Variants in TRPM5 observed in about 807,000 individuals in gnomAD.
The protein encoded by TRPM5 is transient receptor potential cation channel subfamily M member 5.
A neutral mutation model predicts 124.9 loss-of-function variants in TRPM5; 121 were observed. That is an observed-to-expected ratio of 0.97 (90% CI 0.84 to 1.13). The LOEUF is 1.13. TRPM5 is among the 50% of genes most tolerant of loss of function. The pLI is 0.00. For synonymous variants in TRPM5, 781 were observed against 700.5 expected, an observed-to-expected ratio of 1.11 and a Z score of -1.81; for missense variants, 1,643 against 1,589.1, an observed-to-expected ratio of 1.03 and a Z score of -0.58.
At chr11:2,418,419 G>T (rs755290213) in intron 5 of TRPM5, 61 bp from the exon 11 acceptor site, 20 of 1,510,238 alleles carry the variant, frequency 1.3e-5, no homozygotes, top group Non-Finnish European at 1.8e-5. Context: ...CTGGATGCAG[G>T]TGTCAGGGGT....
intron 18 of TRPM5, among the ~76,000 whole-genome samples, chr11:2,408,169 G>C (rs59240172): frequency 6.6e-6 from 1 of 152,304 alleles, no homozygotes; most frequent in African/African-American, 2.4e-5. Context: ...CTTCCACCAG[G>C]GGCTGGAGTC....
At chr11:2,418,313 C>T (rs1204969464) in exon 6 of TRPM5, 1 of 1,567,074 alleles carries the variant, frequency 6.4e-7, no homozygotes, top group East Asian at 2.4e-5. Flanking sequence ...CCCGAGCCTA[C>T]CAGGATCAGC....
rs766833959 is a variant in TRPM5 at position 2,413,598 on chromosome 11, A to G, written c.1891-10T>C. 1.2e-6 allele frequency: 2 copies of G among 1,610,422 alleles called. No individual in the cohort carries two copies. The highest frequency in any genetic ancestry group is 1.7e-6 in the Non-Finnish European group (2 of 1,178,578). The stretch of plus-strand genomic sequence containing the variant: ...TCCTGGTCAGGAAGGCCTGAGGTGA[A>G]GGCAAAACTGTCGGCTCCAACTCTG... On this transcript the variant is annotated splice_polypyrimidine_tract_variant and intron_variant, in intron 12 of 23. Transcript: ENST00000155858.
chr11:2,415,010 C>T lies in TRPM5; in HGVS notation c.1517G>A (p.Trp506Ter). The change falls in exon 10 of 24, where the codon TGG becomes TAG. Residue 506 changes from tryptophan to a stop codon, truncating the protein, a stop_gained. Transcript: ENST00000155858. LOFTEE classifies it high-confidence loss of function. ...GCTCTTCTGGTTCAGGTCCAGCAGC[C>T]ACTTCTGGCCCGTGGGCCGCTTGGC... 6.2e-7 allele frequency: 1 copy of T among 1,604,952 alleles called. No homozygotes were observed.
upstream of TRPM5, among the ~76,000 whole-genome samples, chr11:2,426,117 G>T (rs1845838362): frequency 6.6e-6 from 1 of 152,142 alleles, no homozygotes; most frequent in African/African-American, 2.4e-5. Context: ...CATCAGAGGT[G>T]GAAGCAGCCA....
chr11:2,419,573 A>G (rs927907422), intron 4 of TRPM5, among the ~76,000 whole-genome samples: 7 of 146,738 alleles, frequency 4.8e-5, no homozygotes, highest in African/African-American at 1.8e-4. Context: ...CCGAGATTGC[A>G]CTCCTGCACT....
At chr11:2,432,875 G>A in the TRPM5 span, among the ~76,000 whole-genome samples, 1 of 152,226 alleles carries the variant, frequency 6.6e-6, no homozygotes, top group Non-Finnish European at 1.5e-5. Flanking sequence ...GGGGCGTCAG[G>A]TCTGACCCCT....
chr11:2,406,161 C>G, intron 21 of TRPM5, 70 bp from the exon 27 acceptor site: 2 of 1,522,906 alleles, frequency 1.3e-6, no homozygotes, highest in South Asian at 1.1e-5. Flanking sequence ...GCCTCCCCAT[C>G]CCCCCAGGCC....
chr11:2,434,308 T>G, the TRPM5 span, among the ~76,000 whole-genome samples: 1 of 151,940 alleles, frequency 6.6e-6, no homozygotes, highest in African/African-American at 2.4e-5. Context: ...CTGCACTGTG[T>G]GTGTGTGGAC....
chr11:2,416,928 T>G (rs1473026072), intron 7 of TRPM5, among the ~76,000 whole-genome samples: 1 of 152,200 alleles, frequency 6.6e-6, no homozygotes. Context: ...AAGCATGGAA[T>G]GGCATACGCT....
chr11:2,421,018 A>G lies in TRPM5; in HGVS notation c.465+14T>C, dbSNP rs1393190703. ...GGCCCCCAGCGGTCGTGGTGCTGGG[A>G]GCTGGACGTGCACCTGGGCCTCCTC... On this transcript the variant is annotated intron_variant, in intron 3 of 23. Transcript: ENST00000155858. 2 of 1,533,188 alleles carry G rather than the reference A, an allele frequency of 1.3e-6. No individual in the cohort carries two copies. Among genetic ancestry groups the G allele is most frequent in the African/African-American group, 1.4e-5 (1 of 72,270 alleles). The allele number at this position is 1,533,188 out of a possible 1,614,324, so 95.0% of individuals were successfully genotyped here.
At chr11:2,414,508 C>T (rs1373918228) in intron 11 of TRPM5, among the ~76,000 whole-genome samples, 4 of 152,212 alleles carry the variant, frequency 2.6e-5, no homozygotes, top group Non-Finnish European at 4.4e-5. Flanking sequence ...GTCCTCACCA[C>T]GTGCACAGCG....
the TRPM5 span, among the ~76,000 whole-genome samples, chr11:2,442,486 A>G: frequency 1.9e-4 from 29 of 151,824 alleles, no homozygotes; most frequent in Non-Finnish European, 2.4e-4. This position sits in a 1 kb window ranked among gnomAD's most constrained non-coding sequence, Gnocchi z 5.9. Flanking sequence ...CCATCGTGTG[A>G]CTGTACCACA....
chr11:2,442,418 CACAG>C, the TRPM5 span, among the ~76,000 whole-genome samples: 6 of 139,694 alleles, frequency 4.3e-5, no homozygotes, highest in Admixed American at 4.2e-4. This position sits in a 1 kb window ranked among gnomAD's most constrained non-coding sequence, Gnocchi z 5.9. Flanking sequence ...CACACACACA[CACAG>C]AGTTCTTTGG....
chr11:2,411,206 C>T (rs1850438157), intron 18 of TRPM5, 146 bp downstream of exon 23: 2 of 1,037,836 alleles, frequency 1.9e-6, no homozygotes, highest in Middle Eastern at 3.1e-4. Context: ...GCCTGGGGAC[C>T]AGGCCTCAGC....
intron 16 of TRPM5, 23 bp downstream of exon 21, chr11:2,412,112 C>T (rs1356142946): frequency 6.3e-7 from 1 of 1,589,422 alleles, no homozygotes; most frequent in Non-Finnish European, 8.6e-7. Context: ...CCTGAGGCCA[C>T]ACGGCCTCTG....
chr11:2,420,460 C>A, intron 3 of TRPM5, 55 bp from the exon 9 acceptor site: 2 of 1,388,416 alleles, frequency 1.4e-6, no homozygotes, highest in Non-Finnish European at 1.9e-6. Context: ...TTGGGCTGGT[C>A]CCGCTGCGGG....
At chr11:2,444,119 G>A in the TRPM5 span, among the ~76,000 whole-genome samples, 1 of 151,780 alleles carries the variant, frequency 6.6e-6, no homozygotes, top group Non-Finnish European at 1.5e-5. Flanking sequence ...CAGCAGCCCT[G>A]CCGGCTCCCC....
chr11:2,425,730 T>C (rs1256571223), upstream of TRPM5, among the ~76,000 whole-genome samples: 1 of 151,536 alleles, frequency 6.6e-6, no homozygotes, highest in African/African-American at 2.4e-5. Flanking sequence ...CGTGTGGACA[T>C]GTGCCCTGCA....
Sources: gnomAD v4.1 joint callset for allele counts (sites outside exome capture counted in the v4.1 genomes callset) on GRCh38, gnomAD v4.1.1 for gene constraint, Gnocchi (gnomAD v3.1) non-coding constraint, MANE v1.5 for transcripts, NCBI Gene and HGNC (gene_info 2026-07-23, HGNC 2026-07-21) for gene names.